SPAST: variants seen among roughly 807,000 people sequenced by gnomAD.
SPAST encodes spastic paraplegia 4 (autosomal dominant; spastin).
SPAST carries 30 observed loss-of-function variants against 76.6 expected under a neutral mutation model. That is an observed-to-expected ratio of 0.39 (90% CI 0.29 to 0.53). The LOEUF (loss-of-function observed/expected upper bound fraction) is 0.53. SPAST is among the 20% of genes least tolerant of loss of function. SPAST has a pLI of 0.68. For missense variants in SPAST, 717 were observed against 770.5 expected (o/e 0.93, Z 0.82); for synonymous variants, 305 against 281.0 (o/e 1.09, Z -0.86).
intron 4 of SPAST, among the ~76,000 whole-genome samples, chr2:32,101,694 G>T (rs1177769079): frequency 1.3e-5 from 2 of 152,094 alleles, no homozygotes; most frequent in African/African-American, 4.8e-5. Context: ...TGTACGTTTG[G>T]CTAGCCAGTT....
intron 16 of SPAST, among the ~76,000 whole-genome samples, chr2:32,148,438 G>A (rs557069085): frequency 1.5e-4 from 23 of 151,242 alleles, no homozygotes; most frequent in East Asian, 7.8e-4. Flanking sequence ...TTGGGAGGCC[G>A]AGGTGGGCAG....
intron 7 of SPAST, among the ~76,000 whole-genome samples, chr2:32,124,091 G>A (rs1679111982): frequency 1.3e-5 from 2 of 152,044 alleles, no homozygotes; most frequent in South Asian, 4.1e-4. Context: ...AAGACATGCA[G>A]CAGAGTGGGA....
At chr2:32,080,562 A>G (rs1325704369) in intron 1 of SPAST, among the ~76,000 whole-genome samples, 2 of 151,146 alleles carry the variant, frequency 1.3e-5, no homozygotes, top group African/African-American at 2.4e-5. Context: ...TAGAGTTAAA[A>G]GAGAAATGTC....
chr2:32,113,983 C>G (rs577624321), intron 4 of SPAST, among the ~76,000 whole-genome samples: 2 of 149,406 alleles, frequency 1.3e-5, no homozygotes, highest in African/African-American at 2.5e-5. Flanking sequence ...CTCTCTCTGT[C>G]GCCAGGCTGG....
At chr2:32,083,768 ATATATATATT>A (rs1558620256) in intron 1 of SPAST, among the ~76,000 whole-genome samples, 149 of 51,512 alleles carry the variant, frequency 2.9e-3, no homozygotes, top group African/African-American at 0.01. Context: ...ATATATATAT[ATATATATATT>A]TTTTTTTTTT....
At chr2:32,142,860 T>C (rs370756258) in intron 13 of SPAST, among the ~76,000 whole-genome samples, 1 of 152,182 alleles carries the variant, frequency 6.6e-6, no homozygotes, top group Non-Finnish European at 1.5e-5. Flanking sequence ...CTCATTGAAT[T>C]ATATACTTAC....
chr2:32,078,395 C>T (rs532318847), intron 1 of SPAST, among the ~76,000 whole-genome samples: 2 of 152,056 alleles, frequency 1.3e-5, no homozygotes, highest in Non-Finnish European at 2.9e-5. Flanking sequence ...AGGCTGGTCT[C>T]GAACGCCTAG....
intron 7 of SPAST, 100 bp from the exon 8 acceptor site, chr2:32,126,844 CTGTT>C: frequency 1.4e-6 from 1 of 739,574 alleles, no homozygotes; most frequent in Non-Finnish European, 2.4e-6. Flanking sequence ...ATGGGCAGCT[CTGTT>C]TGGGAAGATG....
chr2:32,082,339 A>T (rs1677269403), intron 1 of SPAST, among the ~76,000 whole-genome samples: 1 of 151,908 alleles, frequency 6.6e-6, no homozygotes, highest in Non-Finnish European at 1.5e-5. Context: ...TTTAGTGCTG[A>T]TGTTATAATC....
chr2:32,116,982 C>T (rs188479215), intron 7 of SPAST, among the ~76,000 whole-genome samples: 1 of 151,126 alleles, frequency 6.6e-6, no homozygotes, highest in East Asian at 2.0e-4. Flanking sequence ...CAAAACAGGC[C>T]GGGTACGGTA....
chr2:32,128,562 T>C, intron 9 of SPAST, 83 bp downstream of exon 9: 1 of 909,824 alleles, frequency 1.1e-6, no homozygotes, highest in South Asian at 1.4e-5. Flanking sequence ...TAATATTTCA[T>C]GAAAATATTT....
At position 32,089,466 on chromosome 2, in the gene SPAST, C is replaced by T. The variant is rs183348246; in HGVS notation, c.503-56C>T. The T allele has an allele frequency of 3.4e-4, 337 of 980,146 alleles. No individual in the cohort carries two copies. In the African/African-American group the frequency reaches 4.1e-3, roughly 12 times the overall value. The allele number at this position is 980,146 out of a possible 1,614,324, so 60.7% of individuals were successfully genotyped here. ...GAAAGTAGTTTGGGTGATAATTTATCGTGAAACAATATTAGTTGGGAAATG... is the reference window on the plus strand; with the variant it reads ...GAAAGTAGTTTGGGTGATAATTTATTGTGAAACAATATTAGTTGGGAAATG... On this transcript the variant is annotated intron_variant, in intron 2 of 16. Transcript: ENST00000315285.
chr2:32,095,947 G>A (rs1038356035), intron 3 of SPAST, among the ~76,000 whole-genome samples: 24 of 152,230 alleles, frequency 1.6e-4, no homozygotes, highest in African/African-American at 5.8e-4. Context: ...TTATCTGTGG[G>A]CAATGGGAAG....
intron 3 of SPAST, among the ~76,000 whole-genome samples, chr2:32,092,001 A>G (rs1034362767): frequency 2.0e-5 from 3 of 152,158 alleles, no homozygotes; most frequent in African/African-American, 7.2e-5. Context: ...TAAGTGCTTT[A>G]AAAATGTTGG....
At chr2:32,098,260 G>A (rs1677996045) in intron 3 of SPAST, among the ~76,000 whole-genome samples, 1 of 152,088 alleles carries the variant, frequency 6.6e-6, no homozygotes, top group African/African-American at 2.4e-5. Flanking sequence ...AAGGCCAGGA[G>A]CTTGAGCCCA....
At chr2:32,087,974 C>G (rs1677560826) in intron 2 of SPAST, among the ~76,000 whole-genome samples, 1 of 151,908 alleles carries the variant, frequency 6.6e-6, no homozygotes, top group Non-Finnish European at 1.5e-5. Flanking sequence ...ATCTCCGCCT[C>G]CCGGATTCAG....
chr2:32,153,061 A>G (rs1019424733), intron 16 of SPAST, among the ~76,000 whole-genome samples: 7 of 151,906 alleles, frequency 4.6e-5, no homozygotes, highest in African/African-American at 1.5e-4. Context: ...TATTTTAACT[A>G]TATGTTTTTT....
At chr2:32,088,816 TAAC>T (rs1192031092) in intron 2 of SPAST, among the ~76,000 whole-genome samples, 4 of 152,208 alleles carry the variant, frequency 2.6e-5, no homozygotes, top group African/African-American at 9.6e-5. Context: ...GATATGGTTA[TAAC>T]AACAATATTA....
chr2:32,115,399 G>A lies in SPAST; in HGVS notation c.871-303G>A, dbSNP rs1480257415. ...TATTTTTAAAATTATTTCAATCTTT[G>A]TAAATGTTTTATACCAGTAACATAC... On this transcript the variant is annotated intron_variant, in intron 5 of 16. Transcript: ENST00000315285. Among the ~76,000 whole-genome samples the A allele has an allele frequency of 2.6e-5, 4 of 151,852 alleles. No individual in the cohort carries two copies. The East Asian group carries it at 7.7e-4, about 29-fold the overall frequency.
Sources: gnomAD v4.1 joint callset for allele counts (sites outside exome capture counted in the v4.1 genomes callset) on GRCh38, gnomAD v4.1.1 for gene constraint, MANE v1.5 for transcripts, NCBI Gene and HGNC (gene_info 2026-07-23, HGNC 2026-07-21) for gene names.